PHC3: variants seen among roughly 807,000 people sequenced by gnomAD.
The protein encoded by PHC3 is polyhomeotic homolog 3.
Under a neutral mutation model 107.4 loss-of-function variants are expected in PHC3, and 13 were observed. The observed-to-expected ratio is 0.12, with a 90% CI of 0.08 to 0.19. The LOEUF (loss-of-function observed/expected upper bound fraction) is 0.19, where lower values mean the gene tolerates loss of function less well. Ranked by LOEUF, PHC3 falls within the 10% of genes least tolerant of loss-of-function variation. The probability of loss-of-function intolerance (pLI) is 1.00; values close to 1 mark genes in which losing one functional copy is unlikely to be tolerated. For synonymous variants in PHC3, 456 were observed against 427.4 expected (o/e 1.07, Z -0.83); for missense variants, 992 against 1,210.9 (o/e 0.82, Z 2.68).
intron 7 of PHC3, among the ~76,000 whole-genome samples, chr3:170,131,466 C>G (rs1348109829): frequency 6.6e-6 from 1 of 151,990 alleles, no homozygotes; most frequent in Non-Finnish European, 1.5e-5. Flanking sequence ...AGCAAGGGCC[C>G]ACTTCAATTC....
intron 2 of PHC3, among the ~76,000 whole-genome samples, chr3:170,173,963 C>G (rs921305920): frequency 1.3e-5 from 2 of 152,166 alleles, no homozygotes; most frequent in African/African-American, 4.8e-5. Flanking sequence ...GAGGCCAAGG[C>G]AGGCAGGTCA....
intron 11 of PHC3, among the ~76,000 whole-genome samples, 191 bp from the exon 12 acceptor site, chr3:170,107,137 TA>T (rs1472847566): frequency 2.0e-5 from 3 of 152,298 alleles, no homozygotes; most frequent in East Asian, 1.9e-4. Flanking sequence ...TGCTTCTGCA[TA>T]AAAATTACAA....
At chr3:170,126,724 T>C (rs750399733) in intron 8 of PHC3, among the ~76,000 whole-genome samples, 8 of 151,404 alleles carry the variant, frequency 5.3e-5, no homozygotes, top group Non-Finnish European at 1.0e-4. Flanking sequence ...GTATTTTTAG[T>C]AGAGATGAGT....
At chr3:170,115,466 T>C (rs1378288816) in intron 10 of PHC3, among the ~76,000 whole-genome samples, 2 of 152,158 alleles carry the variant, frequency 1.3e-5, no homozygotes, top group East Asian at 1.9e-4. Context: ...ACAATACATA[T>C]GTATACACAT....
At chr3:170,111,746 A>G (rs1717828917) in intron 11 of PHC3, among the ~76,000 whole-genome samples, 1 of 144,916 alleles carries the variant, frequency 6.9e-6, no homozygotes, top group African/African-American at 2.9e-5. Flanking sequence ...CACATGTTGC[A>G]ACAGTTTATA....
rs556229979 is a variant in PHC3, at chr3:170,152,897, A to G, written c.415-3653T>C. Among the ~76,000 whole-genome samples the G allele has an allele frequency of 6.7e-4, 102 of 151,870 alleles. 1 individual carries two copies. The highest frequency in any genetic ancestry group is 2.3e-3 in the African/African-American group (97 of 41,410). Reference sequence around the variant, plus strand: ...AGCTTGCCTCAAACTCCTGGGCTCAAGCGATACCCCCACCTCAGCCTCCCA... The same window carrying G: ...AGCTTGCCTCAAACTCCTGGGCTCAGGCGATACCCCCACCTCAGCCTCCCA... On this transcript the variant is annotated intron_variant, in intron 4 of 14. Coordinates refer to ENST00000495893, the MANE Select transcript of PHC3 (RefSeq NM_024947.4).
At chr3:170,113,264 C>T in intron 11 of PHC3, 96 bp downstream of exon 11, 2 of 1,174,032 alleles carry the variant, frequency 1.7e-6, no homozygotes, top group South Asian at 4.5e-5. Context: ...TTGAATACTT[C>T]CAGTGAAATT....
In PHC3 at chr3:170,097,448, CA is replaced by C; in HGVS notation, c.2834-65del. The C allele has an allele frequency of 6.7e-7, 1 of 1,501,998 alleles. No homozygotes were observed. Among genetic ancestry groups the C allele is most frequent in the Non-Finnish European group, 9.0e-7 (1 of 1,107,422 alleles). 93.0% of individuals were successfully genotyped at this position (1,501,998 alleles called of 1,614,324 possible). On this transcript the variant is annotated intron_variant, in intron 14 of 14. Coordinates refer to ENST00000495893, the MANE Select transcript of PHC3 (RefSeq NM_024947.4). The surrounding 1 kb of genome is among the most constrained non-coding windows in gnomAD (Gnocchi z 4.1). ...TACAACAATTAGACATTACTCCTAA[CA>C]GTCACAGTTATGCTCTCACTGGGTC... is the stretch of plus-strand genomic sequence containing the variant.
intron 8 of PHC3, among the ~76,000 whole-genome samples, chr3:170,124,384 T>C (rs964355185): frequency 6.6e-6 from 1 of 152,044 alleles, no homozygotes; most frequent in Non-Finnish European, 1.5e-5. Context: ...AATCTTCCCA[T>C]TAAAAAAGTG....
At position 170,090,151 on chromosome 3, in the gene PHC3, A is replaced by C. The variant is rs1317063095; in HGVS notation, c.*7079T>G. ...TTGTAACTTAATCAGGTATGGGGCCAACTGATGTTTAGTATGTGAAATGTG... is the reference window on the plus strand; with the variant it reads ...TTGTAACTTAATCAGGTATGGGGCCCACTGATGTTTAGTATGTGAAATGTG... On this transcript the variant is annotated 3_prime_UTR_variant, in exon 15 of 15. Coordinates refer to ENST00000495893, the MANE Select transcript of PHC3 (RefSeq NM_024947.4). The C allele has an allele frequency of 6.6e-6, 1 of 152,152 alleles. No individual in the cohort carries two copies. Among genetic ancestry groups the C allele is most frequent in the African/African-American group, 2.4e-5 (1 of 41,446 alleles). 9.4% of individuals were successfully genotyped at this position (152,152 alleles called of 1,614,324 possible).
intron 10 of PHC3, among the ~76,000 whole-genome samples, chr3:170,116,874 G>A (rs1719085218): frequency 6.6e-6 from 1 of 151,180 alleles, no homozygotes; most frequent in Admixed American, 6.6e-5. Context: ...TCGCACCACT[G>A]CACTCTAGCC....
chr3:170,124,566 T>C (rs1373118688), intron 8 of PHC3, among the ~76,000 whole-genome samples: 1 of 151,966 alleles, frequency 6.6e-6, no homozygotes, highest in Non-Finnish European at 1.5e-5. Context: ...GGTCTCACTA[T>C]GTTGCCCAGG....
intron 4 of PHC3, among the ~76,000 whole-genome samples, chr3:170,160,039 G>A (rs1386332): frequency 0.25 from 38,023 of 152,064 alleles, 5,451 homozygotes; most frequent in East Asian, 0.49. Flanking sequence ...ACTGTCCTTT[G>A]ACTATTTACT....
Position 170,102,499 on chromosome 3 carries a change from G to T in PHC3, c.2813C>A (p.Ala938Asp). The T allele has an allele frequency of 4.3e-6, 7 of 1,613,560 alleles. No individual in the cohort carries two copies. Among genetic ancestry groups the T allele is most frequent in the Non-Finnish European group, 5.9e-6 (7 of 1,179,724 alleles). ...PSIWTVDDVW[A>D]FIHSLPGCQD... ...CATACCAGGCAAAGAATGGATGAAG[G>T]CCCAGACATCATCAACTGTCCATAT... is the stretch of plus-strand genomic sequence containing the variant. The change falls in exon 14 of 15, where the codon GCC becomes GAC. Residue 938 changes from alanine to aspartate, a missense_variant. Coordinates refer to ENST00000495893, the MANE Select transcript of PHC3 (RefSeq NM_024947.4).
At chr3:170,130,795 T>C in intron 7 of PHC3, among the ~76,000 whole-genome samples, 1 of 152,142 alleles carries the variant, frequency 6.6e-6, no homozygotes, top group East Asian at 1.9e-4. Context: ...GAGATGCTGA[T>C]GAAATCCTAA....
chr3:170,091,443 A>T lies in PHC3; in HGVS notation c.*5787T>A, dbSNP rs1714077372. On this transcript the variant is annotated 3_prime_UTR_variant, in exon 15 of 15. Transcript: ENST00000495893. ...AGCAGTAGAAACAAAAATATTTTTCAAAAGTATAAAGCTAGCTAGAACCTC... is the reference window on the plus strand; with the variant it reads ...AGCAGTAGAAACAAAAATATTTTTCTAAAGTATAAAGCTAGCTAGAACCTC... The T allele has an allele frequency of 6.6e-6, 1 of 152,196 alleles. No individual in the cohort carries two copies. The highest frequency in any genetic ancestry group is 6.5e-5 in the Admixed American group (1 of 15,278). The allele number at this position is 152,196 out of a possible 1,614,324, so 9.4% of individuals were successfully genotyped here.
At chr3:170,119,134 T>C (rs1235077540) in intron 9 of PHC3, among the ~76,000 whole-genome samples, 1 of 150,050 alleles carries the variant, frequency 6.7e-6, no homozygotes, top group Non-Finnish European at 1.5e-5. Context: ...TGTACAAACA[T>C]ATTATCAAAC....
At chr3:170,109,468 A>G (rs906253933) in intron 11 of PHC3, among the ~76,000 whole-genome samples, 1 of 152,186 alleles carries the variant, frequency 6.6e-6, no homozygotes, top group African/African-American at 2.4e-5. Context: ...AATACTAAGG[A>G]ACTACCACAT....
chr3:170,129,498 A>G lies in PHC3; in HGVS notation c.974T>C (p.Leu325Pro), dbSNP rs1306384798. Residue 325 changes from leucine (L) to proline (P), a missense_variant, in exon 8 of 15, where the codon CTT becomes CCT. Physicochemically the swap from Leu to Pro is moderately conservative, Grantham distance 98. Around this residue, in one of 6 missense-constraint regions of PHC3, gnomAD observed 543 missense variants for 590.8 expected, o/e 0.92. Transcript: ENST00000495893. Reference protein sequence around the residue: ...HSLIKHQQIPLHSPPSKVSHH... With the variant: ...HSLIKHQQIPPHSPPSKVSHH... Reference sequence around the variant, plus strand: ...GGAAACTTTGGAAGGTGGTGAATGAAGAGGAATCTGCTGATGTTTTATTAG... The same window carrying G: ...GGAAACTTTGGAAGGTGGTGAATGAGGAGGAATCTGCTGATGTTTTATTAG... 6.2e-7 allele frequency: 1 copy of G among 1,613,862 alleles called. No homozygotes were observed. The highest frequency in any genetic ancestry group is 8.5e-7 in the Non-Finnish European group (1 of 1,179,802).
Sources: gnomAD v4.1 joint callset for allele counts (sites outside exome capture counted in the v4.1 genomes callset) on GRCh38, gnomAD v4.1.1 for gene constraint, gnomAD v4.1.1 regional missense constraint, Gnocchi (gnomAD v3.1) non-coding constraint, MANE v1.5 for transcripts, NCBI Gene and HGNC (gene_info 2026-07-23, HGNC 2026-07-21) for gene names.